RAD51B: variants seen among roughly 807,000 people sequenced by gnomAD.
The protein encoded by RAD51B is RAD51 paralog B.
A neutral mutation model predicts 42.2 loss-of-function variants in RAD51B; 38 were observed. The observed-to-expected ratio is 0.90, with a 90% CI of 0.70 to 1.18. The LOEUF (loss-of-function observed/expected upper bound fraction) is 1.18, where lower values mean the gene tolerates loss of function less well. RAD51B is among the 50% of genes most tolerant of loss of function. The probability of loss-of-function intolerance (pLI) is 0.00; values close to 1 mark genes in which losing one functional copy is unlikely to be tolerated. For synonymous variants in RAD51B, 154 were observed against 145.2 expected (o/e 1.06, Z -0.43); for missense variants, 373 against 400.7 (o/e 0.93, Z 0.59).
chr14:68,410,174 G>A (rs754557091), intron 8 of RAD51B, among the ~76,000 whole-genome samples: 1 of 152,126 alleles, frequency 6.6e-6, no homozygotes, highest in Non-Finnish European at 1.5e-5. Context: ...GTAACACTGC[G>A]AGTTAGACAT....
intron 10 of RAD51B, among the ~76,000 whole-genome samples, chr14:68,603,435 T>C (rs1891306682): frequency 1.3e-5 from 2 of 152,238 alleles, no homozygotes; most frequent in Non-Finnish European, 2.9e-5. Flanking sequence ...TTTATACTTT[T>C]CTGTGTCTTC....
intron 9 of RAD51B, among the ~76,000 whole-genome samples, chr14:68,415,278 G>A (rs1231296574): frequency 6.6e-6 from 1 of 152,098 alleles, no homozygotes; most frequent in African/African-American, 2.4e-5. Flanking sequence ...AGTCAGAAAG[G>A]GGAGGTGCTG....
chr14:68,405,248 T>C (rs967508015), intron 8 of RAD51B, among the ~76,000 whole-genome samples: 3 of 152,160 alleles, frequency 2.0e-5, no homozygotes, highest in African/African-American at 7.2e-5. Context: ...CCTTTCCACC[T>C]TGGGCAACAT....
chr14:67,841,611 G>C (rs1742630885), intron 4 of RAD51B, among the ~76,000 whole-genome samples: 1 of 152,108 alleles, frequency 6.6e-6, no homozygotes, highest in South Asian at 2.1e-4. Flanking sequence ...AAAAGGTAGG[G>C]GTCCAGTTTA....
chr14:68,420,829 T>A (rs1487944661), intron 9 of RAD51B, among the ~76,000 whole-genome samples: 1 of 152,360 alleles, frequency 6.6e-6, no homozygotes, highest in East Asian at 1.9e-4. Context: ...TCAGCCTTAT[T>A]TTTACAGCTT....
chr14:68,213,177 G>T (rs908905592), intron 7 of RAD51B, among the ~76,000 whole-genome samples: 3 of 152,198 alleles, frequency 2.0e-5, no homozygotes, highest in African/African-American at 7.2e-5. Flanking sequence ...TTGATGGGCG[G>T]ATTTGCTAAT....
chr14:68,401,740 G>C (rs1176246468), intron 8 of RAD51B, among the ~76,000 whole-genome samples: 3 of 152,128 alleles, frequency 2.0e-5, no homozygotes, highest in African/African-American at 7.2e-5. Context: ...AGTTGAAGCA[G>C]TTATTACATA....
At chr14:68,395,178 CCTT>C (rs1279601107) in intron 8 of RAD51B, among the ~76,000 whole-genome samples, 2 of 152,220 alleles carry the variant, frequency 1.3e-5, no homozygotes, top group African/African-American at 2.4e-5. Context: ...TCCCGCCTCC[CCTT>C]CTTCTGTGCT....
chr14:67,909,372 A>T (rs558723063), intron 7 of RAD51B, among the ~76,000 whole-genome samples: 1 of 152,352 alleles, frequency 6.6e-6, no homozygotes, highest in East Asian at 1.9e-4. Flanking sequence ...ATGGTGTGGG[A>T]AAACGGATAC....
chr14:68,483,832 G>A (rs1165969961), intron 10 of RAD51B, among the ~76,000 whole-genome samples: 4 of 152,200 alleles, frequency 2.6e-5, no homozygotes, highest in Non-Finnish European at 4.4e-5. Context: ...AGATGAAGGA[G>A]GTCTCATATT....
At position 68,402,631 on chromosome 14, in the gene RAD51B, A is replaced by G. The variant is rs199562409; in HGVS notation, c.854-8793A>G. Among the ~76,000 whole-genome samples the G allele has an allele frequency of 7.2e-5, 11 of 152,318 alleles. No individual in the cohort carries two copies. In the East Asian group the frequency reaches 1.9e-3, roughly 27 times the overall value. On this transcript the variant is annotated intron_variant, in intron 8 of 10. Transcript: ENST00000471583. The stretch of plus-strand genomic sequence containing the variant: ...TCTCTAGTCTGGAGAGAAATCTGCT[A>G]TCAGCAAAAGAACCCATGCCTGTGC...
At chr14:68,215,319 A>G (rs1259918695) in intron 7 of RAD51B, among the ~76,000 whole-genome samples, 2 of 152,140 alleles carry the variant, frequency 1.3e-5, no homozygotes, top group Non-Finnish European at 2.9e-5. Flanking sequence ...CTCTTTTACC[A>G]CAATAATCAT....
In RAD51B at chr14:68,411,311, C is replaced by G. The variant is rs45497193; in HGVS notation, c.854-113C>G. On this transcript the variant is annotated intron_variant, in intron 8 of 10. Coordinates refer to ENST00000471583, the MANE Select transcript of RAD51B (RefSeq NM_133510.4). ...ATTCCTCAAGTTCTGTGGTAATGAACTGAGCCTCCAAGTACTCTCTGGACT... is the reference window on the plus strand; with the variant it reads ...ATTCCTCAAGTTCTGTGGTAATGAAGTGAGCCTCCAAGTACTCTCTGGACT... 5,465 of 829,106 alleles carry G rather than the reference C, an allele frequency of 6.6e-3. 39 individuals carry two copies. Among genetic ancestry groups the G allele is most frequent in the Non-Finnish European group, 9.2e-3 (4,567 of 498,194 alleles). The allele number at this position is 829,106 out of a possible 1,614,324, so 51.4% of individuals were successfully genotyped here. A position where few individuals can be genotyped will look rare whatever the true frequency, so the allele number is the denominator to read the frequency against.
At chr14:68,357,256 A>C (rs182384418) in intron 8 of RAD51B, among the ~76,000 whole-genome samples, 1 of 152,348 alleles carries the variant, frequency 6.6e-6, no homozygotes, top group East Asian at 1.9e-4. Context: ...GCTTATCCAA[A>C]AGAAGCAACT....
chr14:68,486,658 C>T (rs1883648003), intron 10 of RAD51B, among the ~76,000 whole-genome samples: 1 of 152,218 alleles, frequency 6.6e-6, no homozygotes, highest in African/African-American at 2.4e-5. Flanking sequence ...TATTCTGACC[C>T]TCACTGTTTA....
intron 9 of RAD51B, among the ~76,000 whole-genome samples, chr14:68,463,673 A>G (rs907655205): frequency 1.3e-5 from 2 of 152,186 alleles, no homozygotes; most frequent in Admixed American, 1.3e-4. Flanking sequence ...ATATTATAGA[A>G]TCTTCAGGTT....
rs200522637 is a variant in RAD51B at position 67,833,522 on chromosome 14, A to G, written c.199-1558A>G. Among the ~76,000 whole-genome samples the G allele has an allele frequency of 2.1e-4, 32 of 152,314 alleles. No individual in the cohort carries two copies. The East Asian group carries it at 6.2e-3, about 29-fold the overall frequency. On this transcript the variant is annotated intron_variant, in intron 3 of 10. Transcript: ENST00000471583. ...GATAGTACTAAACTCTATGTATACT[A>G]TGTTTTTTGGATCTGATAACTGAGA... is the stretch of plus-strand genomic sequence containing the variant.
chr14:68,049,263 G>A (rs1021209061), intron 7 of RAD51B, among the ~76,000 whole-genome samples: 4 of 152,154 alleles, frequency 2.6e-5, no homozygotes, highest in East Asian at 1.9e-4. Context: ...TGTAAATGAC[G>A]AGTTAATGGG....
At chr14:68,285,104 A>G (rs1432901632) in intron 7 of RAD51B, among the ~76,000 whole-genome samples, 2 of 152,188 alleles carry the variant, frequency 1.3e-5, no homozygotes, top group Non-Finnish European at 2.9e-5. Context: ...GAGCAGGAGG[A>G]CAGCATGGGG....
Sources: allele counts gnomAD v4.1 joint callset (sites outside exome capture counted in the v4.1 genomes callset), GRCh38; gene constraint gnomAD v4.1.1; transcripts MANE v1.5; gene names NCBI Gene and HGNC (gene_info 2026-07-23, HGNC 2026-07-21).